The following NOD1 variants were observed in gnomAD, a reference collection of about 807,000 sequenced individuals.
NOD1 encodes the protein nucleotide-binding oligomerization domain-containing protein 1.
Under a neutral mutation model 81.2 loss-of-function variants are expected in NOD1, and 70 were observed. The observed-to-expected ratio is 0.86, with a 90% CI of 0.71 to 1.05. NOD1 has a LOEUF of 1.05. NOD1 is among the 50% of genes least tolerant of loss of function. The probability of loss-of-function intolerance (pLI) is 0.00; values close to 1 mark genes in which losing one functional copy is unlikely to be tolerated. For missense variants in NOD1, 1,233 were observed against 1,228.0 expected, an observed-to-expected ratio of 1.00 and a Z score of -0.06; for synonymous variants, 508 against 526.9, an observed-to-expected ratio of 0.96 and a Z score of 0.49.
At chr7:30,436,122 T>A (rs1180224507) in intron 10 of NOD1, 41 bp from the exon 11 acceptor site, 19 of 1,470,012 alleles carry the variant, frequency 1.3e-5, no homozygotes, top group Middle Eastern at 1.7e-4. Flanking sequence ...TAAAGACACA[T>A]CTACATTCAA....
intron 10 of NOD1, 45 bp from the exon 11 acceptor site, chr7:30,436,126 C>T (rs776332350): frequency 1.4e-6 from 2 of 1,449,332 alleles, no homozygotes; most frequent in Non-Finnish European, 1.9e-6. Flanking sequence ...GACACATCTA[C>T]ATTCAATCTT....
At chr7:30,471,699 G>A (rs1788293108) in intron 1 of NOD1, among the ~76,000 whole-genome samples, 1 of 152,324 alleles carries the variant, frequency 6.6e-6, no homozygotes, top group East Asian at 1.9e-4. Flanking sequence ...TAGCCAGGGG[G>A]CCCTGACATT....
chr7:30,452,987 CG>C lies in NOD1; in HGVS notation c.429del (p.Phe143LeufsTer35). On this transcript the variant is annotated frameshift_variant, in exon 6 of 14. Coordinates refer to ENST00000222823, the MANE Select transcript of NOD1 (RefSeq NM_006092.4). LOFTEE classifies it high-confidence loss of function. ...LRHHLGRDSK[F>X]VLCYAQKEEL... ...TCCTCCTTCTGGGCATAGCACAGCACGAACTTGGAGTCACGGCCCAGATGGT... is the reference window on the plus strand; with the variant it reads ...TCCTCCTTCTGGGCATAGCACAGCACAACTTGGAGTCACGGCCCAGATGGT... The C allele has an allele frequency of 6.2e-7, 1 of 1,613,866 alleles. No homozygotes were observed. The highest frequency in any genetic ancestry group is 8.5e-7 in the Non-Finnish European group (1 of 1,180,002).
rs199878802 is a variant in NOD1, at chr7:30,451,339, C to T, written c.2078G>A (p.Ser693Asn). ...GTGATGCAGGACGAAGGAGAGGGCG[C>T]TGCAGTCGGCCGAGCAGGCGTTGCA... ...TYCNACSADC[S>N]ALSFVLHHFP... The change falls in exon 6 of 14, where the codon AGC (serine) becomes AAC (asparagine). Residue 693 changes from serine (S) to asparagine (N), a missense_variant. By Grantham distance (46) the Ser-to-Asn change is conservative (BLOSUM62 1). Coordinates refer to ENST00000222823, the MANE Select transcript of NOD1 (RefSeq NM_006092.4). The surrounding 1 kb of genome is among the most constrained non-coding windows in gnomAD (Gnocchi z 4.2). 5.0e-6 allele frequency: 8 copies of T among 1,614,098 alleles called. No individual in the cohort carries two copies. Among genetic ancestry groups the T allele is most frequent in the Non-Finnish European group, 5.9e-6 (7 of 1,180,048 alleles).
chr7:30,445,486 C>T (rs897940191), intron 9 of NOD1, among the ~76,000 whole-genome samples: 2 of 151,814 alleles, frequency 1.3e-5, no homozygotes, highest in East Asian at 1.9e-4. Context: ...TGGCGGGGCA[C>T]GGTGGCTCAC....
intron 4 of NOD1, 121 bp from the exon 5 acceptor site, chr7:30,455,432 T>G: frequency 1.5e-6 from 1 of 671,340 alleles, no homozygotes; most frequent in Non-Finnish European, 2.5e-6. Flanking sequence ...AGCTATGCCA[T>G]CCCCCCAGCT....
chr7:30,472,740 C>T (rs1788399529), intron 1 of NOD1, among the ~76,000 whole-genome samples: 1 of 152,208 alleles, frequency 6.6e-6, no homozygotes, highest in Admixed American at 6.5e-5. Context: ...GGAAGAGGGT[C>T]CTCACCAAAC....
chr7:30,430,446 CTGTT>C (rs1185219774), intron 12 of NOD1, among the ~76,000 whole-genome samples: 2 of 152,162 alleles, frequency 1.3e-5, no homozygotes, highest in South Asian at 2.1e-4. Context: ...CTGCTCCTGG[CTGTT>C]TGTAGAATAG....
At chr7:30,429,962 G>A (rs1783802493) in intron 12 of NOD1, among the ~76,000 whole-genome samples, 1 of 152,244 alleles carries the variant, frequency 6.6e-6, no homozygotes, top group Non-Finnish European at 1.5e-5. Context: ...GGAGGTTGCA[G>A]TGAGCCAAGA....
Position 30,451,164 on chromosome 7 carries a change from C to A in NOD1, c.2201+52G>T. On this transcript the variant is annotated intron_variant, in intron 6 of 13. Coordinates refer to ENST00000222823, the MANE Select transcript of NOD1 (RefSeq NM_006092.4). The surrounding 1 kb of genome is among the most constrained non-coding windows in gnomAD (Gnocchi z 4.2). The stretch of plus-strand genomic sequence containing the variant: ...CCATGATGCCATTCCCGATGCCCTC[C>A]GAGCCTGGCCCGCCCGGCCCACCTG... The A allele has an allele frequency of 1.3e-6, 2 of 1,575,814 alleles. No individual in the cohort carries two copies. Among genetic ancestry groups the A allele is most frequent in the Non-Finnish European group, 1.7e-6 (2 of 1,161,210 alleles).
At position 30,439,407 on chromosome 7, in the gene NOD1, C is replaced by T. The variant is rs574786138; in HGVS notation, c.2454-1751G>A. ...CAGGCCAGTGTGTGCGCGCACCGTGCGCGAGCCGAAGCAGGGCGAGGCATT... is the reference window on the plus strand; with the variant it reads ...CAGGCCAGTGTGTGCGCGCACCGTGTGCGAGCCGAAGCAGGGCGAGGCATT... On this transcript the variant is annotated intron_variant, in intron 9 of 13. Coordinates refer to ENST00000222823, the MANE Select transcript of NOD1 (RefSeq NM_006092.4). Among the ~76,000 whole-genome samples the T allele has an allele frequency of 5.1e-3, 713 of 139,858 alleles. 40 individuals are homozygous for T. The highest frequency in any genetic ancestry group is 0.021 in the African/African-American group (677 of 32,840). 91.8% of individuals were successfully genotyped at this position (139,858 alleles called of 152,430 possible). A position where few individuals can be genotyped will look rare whatever the true frequency, so the allele number is the denominator to read the frequency against.
intron 13 of NOD1, chr7:30,428,390 T>C (rs976152263): frequency 6.6e-6 from 1 of 152,200 alleles, no homozygotes; most frequent in Non-Finnish European, 1.5e-5. Flanking sequence ...AAAAACCTTT[T>C]GTCTACAACC....
chr7:30,469,225 A>G (rs957757073), intron 1 of NOD1: 1 of 985,294 alleles, frequency 1.0e-6, no homozygotes, highest in African/African-American at 1.7e-5. Flanking sequence ...TAGGCAGCCG[A>G]CTCTGGAGAC....
At chr7:30,469,388 G>C (rs1231843932) in intron 1 of NOD1, among the ~76,000 whole-genome samples, 4 of 152,050 alleles carry the variant, frequency 2.6e-5, no homozygotes, top group Non-Finnish European at 5.9e-5. Context: ...CTCTCTCCCG[G>C]CTTCCTTCCC....
intron 6 of NOD1, among the ~76,000 whole-genome samples, chr7:30,450,944 G>T (rs1583752027): frequency 6.6e-6 from 1 of 152,186 alleles, no homozygotes; most frequent in African/African-American, 2.4e-5. Context: ...ATAATTGATA[G>T]GATTATGAGC....
At chr7:30,469,630 C>T (rs1788064677) in intron 1 of NOD1, among the ~76,000 whole-genome samples, 1 of 151,166 alleles carries the variant, frequency 6.6e-6, no homozygotes, top group African/African-American at 2.5e-5. Context: ...CAGAGCCAAA[C>T]ATCTTCTTCT....
rs535884626 is a variant in NOD1, at chr7:30,424,990, A to G, written c.*648T>C. On this transcript the variant is annotated 3_prime_UTR_variant, in exon 14 of 14. Transcript: ENST00000222823. ...GGGCATTCTCTATCTTTGCCAGCAG[A>G]CAGTGAGACTCCAGGATTAAAATTA... is the stretch of plus-strand genomic sequence containing the variant. 15 of 152,564 alleles carry G rather than the reference A, an allele frequency of 9.8e-5. No individual in the cohort carries two copies. The South Asian group carries it at 2.9e-3, about 29-fold the overall frequency. 9.5% of individuals were successfully genotyped at this position (152,564 alleles called of 1,614,324 possible). A position where few individuals can be genotyped will look rare whatever the true frequency, so the allele number is the denominator to read the frequency against.
chr7:30,461,611 C>T (rs532921397), intron 1 of NOD1, among the ~76,000 whole-genome samples: 8 of 152,378 alleles, frequency 5.3e-5, no homozygotes, highest in African/African-American at 9.6e-5. Flanking sequence ...GAGCCACATG[C>T]GGCCAGGGGC....
At chr7:30,447,127 G>C (rs1423761548) in intron 7 of NOD1, 77 bp from the exon 8 acceptor site, 3 of 1,608,362 alleles carry the variant, frequency 1.9e-6, no homozygotes, top group South Asian at 1.1e-5. Context: ...TGAAGCATAT[G>C]GTGTCTACTG....
Sources: gnomAD v4.1 joint callset for allele counts (sites outside exome capture counted in the v4.1 genomes callset) on GRCh38, gnomAD v4.1.1 for gene constraint, Gnocchi (gnomAD v3.1) non-coding constraint, MANE v1.5 for transcripts, NCBI Gene and HGNC (gene_info 2026-07-23, HGNC 2026-07-21) for gene names.